The following ARHGAP18 variants were observed in gnomAD, a reference collection of about 807,000 sequenced individuals.
The protein encoded by ARHGAP18 is rho GTPase-activating protein 18.
In ARHGAP18, 67 loss-of-function variants were observed where a neutral mutation model predicts 86.2. The observed-to-expected ratio is 0.78, with a 90% CI of 0.64 to 0.95. The LOEUF is 0.95. Among genes scored for constraint, ARHGAP18 ranks in the 40% least tolerant of loss-of-function variants. The probability of loss-of-function intolerance (pLI) is 0.00; values close to 1 mark genes in which losing one functional copy is unlikely to be tolerated. For synonymous variants in ARHGAP18, 283 were observed against 280.4 expected, an observed-to-expected ratio of 1.01 and a Z score of -0.09; for missense variants, 691 against 780.4, an observed-to-expected ratio of 0.89 and a Z score of 1.37.
chr6:129,623,604 A>G (rs1274435428), intron 5 of ARHGAP18, among the ~76,000 whole-genome samples: 6 of 152,186 alleles, frequency 3.9e-5, no homozygotes. Flanking sequence ...GTAGAGGAGC[A>G]TGGAACAGAA....
intron 7 of ARHGAP18, among the ~76,000 whole-genome samples, chr6:129,615,996 C>T (rs564863864): frequency 4.5e-4 from 69 of 152,170 alleles, no homozygotes; most frequent in Admixed American, 3.6e-3. Flanking sequence ...AGGAAAATGA[C>T]GCCAGGTAAT....
At chr6:129,671,826 G>A (rs904666405) in intron 1 of ARHGAP18, among the ~76,000 whole-genome samples, 7 of 152,138 alleles carry the variant, frequency 4.6e-5, no homozygotes, top group Non-Finnish European at 1.5e-5. Context: ...TCTTTGTTTG[G>A]CAAGTCTGTC....
intron 1 of ARHGAP18, among the ~76,000 whole-genome samples, chr6:129,659,364 C>A (rs913849751): frequency 6.6e-6 from 1 of 152,238 alleles, no homozygotes; most frequent in Admixed American, 6.5e-5. Flanking sequence ...TTCTCATTGA[C>A]TCAGCAAATA....
In ARHGAP18 at chr6:129,625,127, T is replaced by TATATATTATATATG. The variant is rs1562696277; in HGVS notation, c.786+4225_786+4226insCATATATAATATAT. 1.0e-3 allele frequency among the ~76,000 whole-genome samples: 6 copies of TATATATTATATATG among 5,940 alleles called. 1 individual carries two copies. The highest frequency in any genetic ancestry group is 2.2e-3 in the Non-Finnish European group (2 of 922). 3.9% of individuals were successfully genotyped at this position (5,940 alleles called of 152,430 possible). ...TATTATATATTATATAGATATATATTATATATGATATATATTATATATTAT... is the reference window on the plus strand; with the variant it reads ...TATTATATATTATATAGATATATATTATATATTATATATGATATATGATATATATTATATATTAT... On this transcript the variant is annotated intron_variant, in intron 5 of 14. Coordinates refer to ENST00000368149, the MANE Select transcript of ARHGAP18 (RefSeq NM_033515.3).
intron 5 of ARHGAP18, among the ~76,000 whole-genome samples, chr6:129,620,724 C>T (rs988368349): frequency 2.0e-5 from 3 of 152,166 alleles, no homozygotes; most frequent in African/African-American, 4.8e-5. Context: ...AACACTTCAT[C>T]GTCTAAATGC....
At chr6:129,666,708 C>A (rs1194498980) in intron 1 of ARHGAP18, among the ~76,000 whole-genome samples, 3 of 152,174 alleles carry the variant, frequency 2.0e-5, no homozygotes, top group Non-Finnish European at 4.4e-5. Flanking sequence ...CCTGACTATA[C>A]CTGCACATAC....
chr6:129,701,757 G>A (rs778102943), intron 1 of ARHGAP18, among the ~76,000 whole-genome samples: 9 of 151,866 alleles, frequency 5.9e-5, no homozygotes, highest in Admixed American at 2.0e-4. Context: ...GTGACAGAGC[G>A]AGATTCCATC....
At chr6:129,669,732 C>T (rs890767890) in intron 1 of ARHGAP18, among the ~76,000 whole-genome samples, 9 of 151,510 alleles carry the variant, frequency 5.9e-5, no homozygotes, top group Non-Finnish European at 8.8e-5. Flanking sequence ...TTGCAGTGAG[C>T]CGAGATCATG....
chr6:129,641,326 C>T (rs1422126177), intron 2 of ARHGAP18, among the ~76,000 whole-genome samples: 1 of 152,144 alleles, frequency 6.6e-6, no homozygotes, highest in Non-Finnish European at 1.5e-5. Context: ...TTCTTCTGTT[C>T]GTCCCAAAGG....
chr6:129,684,243 GGT>G (rs1312821438), intron 1 of ARHGAP18, among the ~76,000 whole-genome samples: 1 of 152,174 alleles, frequency 6.6e-6, no homozygotes, highest in Non-Finnish European at 1.5e-5. Flanking sequence ...ACATATCTGT[GGT>G]TTCTCCAGCA....
intron 4 of ARHGAP18, among the ~76,000 whole-genome samples, chr6:129,632,931 C>T (rs1773249843): frequency 6.6e-6 from 1 of 152,082 alleles, no homozygotes. Context: ...AAACCAAATG[C>T]AACACTATTA....
intron 12 of ARHGAP18, among the ~76,000 whole-genome samples, chr6:129,588,994 T>G (rs1477001518): frequency 6.6e-6 from 1 of 152,200 alleles, no homozygotes; most frequent in Non-Finnish European, 1.5e-5. Context: ...GGGCACCATG[T>G]CCTGAGGCTG....
chr6:129,613,008 C>T (rs1349513646), intron 7 of ARHGAP18, among the ~76,000 whole-genome samples: 2 of 152,020 alleles, frequency 1.3e-5, no homozygotes, highest in South Asian at 2.1e-4. Flanking sequence ...GCGAGGCGGG[C>T]GGATCACAAG....
chr6:129,603,443 T>G (rs1788789970), intron 10 of ARHGAP18, among the ~76,000 whole-genome samples: 1 of 152,132 alleles, frequency 6.6e-6, no homozygotes, highest in South Asian at 2.1e-4. Flanking sequence ...CAAAAAATAT[T>G]TACTTTATCA....
intron 1 of ARHGAP18, among the ~76,000 whole-genome samples, chr6:129,691,604 G>C (rs996938013): frequency 6.6e-6 from 1 of 152,028 alleles, no homozygotes; most frequent in Non-Finnish European, 1.5e-5. Context: ...GTATTCGAGC[G>C]CTATCAATTA....
intron 1 of ARHGAP18, among the ~76,000 whole-genome samples, chr6:129,662,246 C>A (rs1273741217): frequency 6.6e-6 from 1 of 152,226 alleles, no homozygotes; most frequent in Non-Finnish European, 1.5e-5. Flanking sequence ...ACAAATATGG[C>A]AGAAGATGAA....
intron 1 of ARHGAP18, among the ~76,000 whole-genome samples, chr6:129,652,794 T>C (rs186041615): frequency 4.6e-5 from 7 of 152,352 alleles, no homozygotes; most frequent in Non-Finnish European, 8.8e-5. Flanking sequence ...AAAGTTGCTA[T>C]TGATTCATAA....
At chr6:129,686,193 C>T (rs956099682) in intron 1 of ARHGAP18, among the ~76,000 whole-genome samples, 3 of 152,154 alleles carry the variant, frequency 2.0e-5, no homozygotes, top group South Asian at 4.1e-4. Context: ...CCAGCAGGGC[C>T]GTTCATTTGC....
At chr6:129,639,467 T>A (rs1773400984) in intron 2 of ARHGAP18, among the ~76,000 whole-genome samples, 1 of 152,176 alleles carries the variant, frequency 6.6e-6, no homozygotes, top group South Asian at 2.1e-4. Flanking sequence ...GAAAAGTCAC[T>A]TAGCCTCAAG....
Sources: allele counts gnomAD v4.1 joint callset (sites outside exome capture counted in the v4.1 genomes callset), GRCh38; gene constraint gnomAD v4.1.1; transcripts MANE v1.5; gene names NCBI Gene and HGNC (gene_info 2026-07-23, HGNC 2026-07-21).